The following SPAG7 variants were observed in gnomAD, a reference collection of about 807,000 sequenced individuals.
SPAG7 encodes sperm associated antigen 7.
Under a neutral mutation model 30.6 loss-of-function variants are expected in SPAG7, and 20 were observed. The observed-to-expected ratio is 0.65, with a 90% CI of 0.46 to 0.95. The LOEUF (loss-of-function observed/expected upper bound fraction) is 0.95. Ranked by LOEUF, SPAG7 falls within the 40% of genes least tolerant of loss-of-function variation. The probability of loss-of-function intolerance (pLI) is 0.00; values close to 1 mark genes in which losing one functional copy is unlikely to be tolerated. For missense variants in SPAG7, 276 were observed against 291.1 expected (o/e 0.95, Z 0.38); for synonymous variants, 127 against 104.2 (o/e 1.22, Z -1.33).
intron 1 of SPAG7, chr17:4,967,192 A>G: frequency 1.0e-6 from 1 of 987,780 alleles, no homozygotes; most frequent in South Asian, 4.5e-5. Context: ...GGGAGGCAGA[A>G]GGGACTGGGT....
chr17:4,959,471 G>A lies in SPAG7; in HGVS notation c.*63C>T. 1 of 1,344,900 alleles carries A rather than the reference G, an allele frequency of 7.4e-7. No individual in the cohort carries two copies. Among genetic ancestry groups the A allele is most frequent in the Non-Finnish European group, 1.1e-6 (1 of 947,958 alleles). The allele number at this position is 1,344,900 out of a possible 1,614,324, so 83.3% of individuals were successfully genotyped here. On this transcript the variant is annotated 3_prime_UTR_variant, in exon 7 of 7. Transcript: ENST00000206020. ...GGCTCCAGGATGGGCTCTAATAGCA[G>A]CAGCCTTGTCTCTCCCTGCCCCCTG... is the stretch of plus-strand genomic sequence containing the variant.
At chr17:4,967,217 G>A (rs1971973520) in intron 1 of SPAG7, 1 of 991,092 alleles carries the variant, frequency 1.0e-6, no homozygotes, top group Non-Finnish European at 1.2e-6. Context: ...TTAAGCAGGA[G>A]GGGCAAGAAC....
intron 4 of SPAG7, 35 bp downstream of exon 4, chr17:4,960,199 G>A: frequency 3.1e-6 from 5 of 1,606,876 alleles, no homozygotes; most frequent in Non-Finnish European, 3.4e-6. Context: ...GGCTACAAAG[G>A]GGAGAGGAGA....
intron 1 of SPAG7, chr17:4,967,131 G>C (rs1971970116): frequency 1.0e-6 from 1 of 986,120 alleles, no homozygotes; most frequent in Admixed American, 6.1e-5. Flanking sequence ...ACTACGATCC[G>C]CCCGGGCAGC....
intron 1 of SPAG7, chr17:4,966,960 C>T (rs899415141): frequency 2.0e-6 from 2 of 985,440 alleles, no homozygotes; most frequent in African/African-American, 1.7e-5. Context: ...TCATCCCAAG[C>T]TGCAACACGA....
intron 1 of SPAG7, chr17:4,967,272 G>A: frequency 2.0e-6 from 2 of 994,978 alleles, no homozygotes; most frequent in African/African-American, 1.7e-5. Flanking sequence ...GGCTGGGGTG[G>A]TTTCGAAGGA....
At position 4,966,985 on chromosome 17, in the gene SPAG7, G is replaced by T. The variant is rs60276582; in HGVS notation, c.85+735C>A. On this transcript the variant is annotated intron_variant, in intron 1 of 6. Coordinates refer to ENST00000206020, the MANE Select transcript of SPAG7 (RefSeq NM_004890.3). ...CTGCAACACGAGCAGCCCCGGGGAGGCTCCCACCGCCCTGCAGGGCCGCGC... is the reference window on the plus strand; with the variant it reads ...CTGCAACACGAGCAGCCCCGGGGAGTCTCCCACCGCCCTGCAGGGCCGCGC... 5.2e-3 allele frequency: 5,140 copies of T among 985,606 alleles called. 191 individuals carry two copies. The African/African-American group carries it at 0.081, about 16-fold the overall frequency. 61.1% of individuals were successfully genotyped at this position (985,606 alleles called of 1,614,324 possible).
In SPAG7 at chr17:4,959,833, G is replaced by A. The variant is rs377390906; in HGVS notation, c.501C>T (p.Tyr167=). 1.2e-6 allele frequency: 2 copies of A among 1,614,000 alleles called. No individual in the cohort carries two copies. The highest frequency in any genetic ancestry group is 1.7e-6 in the Non-Finnish European group (2 of 1,180,038). ...VSPASDYKDK[Y]SHLIGKGAAK... is the part of the protein sequence containing the mutation. ...CTGCTCCCTTGCCGATGAGGTGGCT[G>A]TACTTGTCCTTGTAGTCGCTGGCAG... Residue 167 remains tyrosine (Y), a synonymous_variant, in exon 6 of 7, where the codon TAC becomes TAT. Coordinates refer to ENST00000206020, the MANE Select transcript of SPAG7 (RefSeq NM_004890.3).
chr17:4,962,915 C>A (rs1366661674), intron 1 of SPAG7, among the ~76,000 whole-genome samples: 2 of 151,720 alleles, frequency 1.3e-5, no homozygotes, highest in African/African-American at 4.8e-5. Context: ...GCCTCTGCAC[C>A]CAGCCTTGGC....
intron 1 of SPAG7, among the ~76,000 whole-genome samples, chr17:4,965,101 G>A (rs111354566): frequency 7.2e-5 from 11 of 152,236 alleles, no homozygotes; most frequent in Admixed American, 2.6e-4. Flanking sequence ...GTAGAGATGG[G>A]CTTTCTTCTC....
At chr17:4,961,256 A>C (rs1345893854) in intron 1 of SPAG7, among the ~76,000 whole-genome samples, 1 of 152,102 alleles carries the variant, frequency 6.6e-6, no homozygotes, top group East Asian at 1.9e-4. Context: ...CAGGAGTTCG[A>C]GACCAGCCTG....
chr17:4,963,379 G>A (rs966024731), intron 1 of SPAG7, among the ~76,000 whole-genome samples: 11 of 151,568 alleles, frequency 7.3e-5, no homozygotes, highest in African/African-American at 2.2e-4. Context: ...TAATGCATCT[G>A]GGAAGGTGAG....
At chr17:4,963,666 C>T (rs1241999580) in intron 1 of SPAG7, among the ~76,000 whole-genome samples, 1 of 152,024 alleles carries the variant, frequency 6.6e-6, no homozygotes, top group Non-Finnish European at 1.5e-5. Flanking sequence ...ACCATATTGG[C>T]CAGGCTGGTC....
Position 4,964,626 on chromosome 17 carries a change from G to C in SPAG7, c.85+3094C>G, listed in dbSNP as rs534938596. ...TCCACCCGCCTCGGCCTCCCAAAGT[G>C]CTGGGATTATAGGCGTGAGCCACCG... On this transcript the variant is annotated intron_variant, in intron 1 of 6. Transcript: ENST00000206020. Among the ~76,000 whole-genome samples the C allele has an allele frequency of 3.0e-4, 45 of 152,294 alleles. No individual in the cohort carries two copies. In the South Asian group the frequency reaches 8.5e-3, roughly 29 times the overall value.
At chr17:4,964,355 ATCT>A (rs1971912517) in intron 1 of SPAG7, among the ~76,000 whole-genome samples, 1 of 129,384 alleles carries the variant, frequency 7.7e-6, no homozygotes, top group Non-Finnish European at 1.6e-5. Context: ...AATCCTTTAC[ATCT>A]TTTTTTTTTT....
Position 4,960,843 on chromosome 17 carries a change from G to A in SPAG7, c.96C>T (p.Ala32=), listed in dbSNP as rs1971849891. ...ETRRKAREQA[A]RLKKLQEQEK... ...CTTGCTCTTGTAGTTTCTTCAGGCG[G>A]GCGGCCTGTTCTGGGGGTGAGAAAT... The change falls in exon 2 of 7, where the codon GCC becomes GCT. Residue 32 remains alanine, a synonymous_variant. Transcript: ENST00000206020. 15 of 1,614,094 alleles carry A rather than the reference G, an allele frequency of 9.3e-6. No homozygotes were observed. Among genetic ancestry groups the A allele is most frequent in the Non-Finnish European group, 1.3e-5 (15 of 1,180,026 alleles).
intron 1 of SPAG7, among the ~76,000 whole-genome samples, chr17:4,962,542 G>C (rs1425394156): frequency 1.3e-5 from 2 of 152,172 alleles, no homozygotes; most frequent in Non-Finnish European, 2.9e-5. Context: ...CAAGTAGCTG[G>C]GACCACAGGC....
intron 1 of SPAG7, among the ~76,000 whole-genome samples, chr17:4,961,658 G>A (rs535155918): frequency 1.7e-4 from 25 of 150,060 alleles, no homozygotes; most frequent in African/African-American, 6.1e-4. Context: ...CCCACTACTC[G>A]GGAGGCTGAG....
rs369078156 is a variant in SPAG7, at chr17:4,962,187, C to T, written c.86-1334G>A. ...GGAGTGCAGTGGCATGAGCTCAGCT[C>T]ACTGCAAACTCCGTCTCCCAGGTTC... On this transcript the variant is annotated intron_variant, in intron 1 of 6. Coordinates refer to ENST00000206020, the MANE Select transcript of SPAG7 (RefSeq NM_004890.3). Among the ~76,000 whole-genome samples, 3 of 152,166 alleles carry T rather than the reference C, an allele frequency of 2.0e-5. No individual in the cohort carries two copies. In the East Asian group the frequency reaches 5.8e-4, roughly 29 times the overall value.
Sources: allele counts gnomAD v4.1 joint callset (sites outside exome capture counted in the v4.1 genomes callset), GRCh38; gene constraint gnomAD v4.1.1; transcripts MANE v1.5; gene names NCBI Gene and HGNC (gene_info 2026-07-23, HGNC 2026-07-21).